The following MTCL1 variants were observed in gnomAD, a reference collection of about 807,000 sequenced individuals.
MTCL1 encodes microtubule crosslinking factor 1.
Under a neutral mutation model 141.4 loss-of-function variants are expected in MTCL1, and 79 were observed. The observed-to-expected ratio is 0.56, with a 90% confidence interval of 0.47 to 0.67. The LOEUF (loss-of-function observed/expected upper bound fraction) is 0.67, where lower values mean the gene tolerates loss of function less well. Among genes scored for constraint, MTCL1 ranks in the 30% least tolerant of loss-of-function variants. The pLI is 0.00. For synonymous variants in MTCL1, 914 were observed against 875.8 expected (o/e 1.04, Z -0.77); for missense variants, 2,177 against 2,113.9 (o/e 1.03, Z -0.59).
chr18:8,706,573 C>T (rs1406974681), exon 1 of MTCL1: 4 of 1,454,334 alleles, frequency 2.8e-6, no homozygotes, highest in East Asian at 2.9e-5. Context: ...TGTCCGGGGG[C>T]GCTCGCCACC....
chr18:8,816,583 T>C (rs1231699568), intron 12 of MTCL1, among the ~76,000 whole-genome samples: 1 of 152,214 alleles, frequency 6.6e-6, no homozygotes, highest in African/African-American at 2.4e-5. Flanking sequence ...CCAGTTAACA[T>C]GCAGATGATG....
At chr18:8,751,361 A>G (rs2096370309) in intron 4 of MTCL1, among the ~76,000 whole-genome samples, 4 of 152,130 alleles carry the variant, frequency 2.6e-5, no homozygotes, top group Non-Finnish European at 5.9e-5. Flanking sequence ...TCTTTTGGTG[A>G]CCACCCAGGA....
At chr18:8,718,352 G>C (rs2096143991) in intron 2 of MTCL1, 72 bp from the exon 2 acceptor site, 1 of 1,405,286 alleles carries the variant, frequency 7.1e-7, no homozygotes, top group African/African-American at 1.4e-5. Flanking sequence ...TGAGGAGCGG[G>C]TATGAAGGAG....
intron 7 of MTCL1, 25 bp downstream of exon 6, chr18:8,786,116 C>CCA (rs1555655979): frequency 2.2e-6 from 3 of 1,393,688 alleles, no homozygotes; most frequent in Non-Finnish European, 1.9e-6. Context: ...GCAATCCCCC[C>CCA]CCCCCGCCCT....
At chr18:8,752,704 GA>G (rs1171843738) in intron 4 of MTCL1, among the ~76,000 whole-genome samples, 1 of 152,174 alleles carries the variant, frequency 6.6e-6, no homozygotes, top group Non-Finnish European at 1.5e-5. Flanking sequence ...AGACAGTCTA[GA>G]AATGATGAAG....
intron 4 of MTCL1, among the ~76,000 whole-genome samples, chr18:8,769,826 A>T (rs1432604415): frequency 6.6e-6 from 1 of 152,214 alleles, no homozygotes; most frequent in Non-Finnish European, 1.5e-5. Context: ...TCATTTACTT[A>T]TAACATTTGT....
chr18:8,822,324 T>C lies in MTCL1; in HGVS notation c.3188+826T>C, dbSNP rs557211344. ...GTTGGTTGATTTTTGAAATGGAGTC[T>C]CGCTCTGTCTCCCAGGCTGGAGTAC... On this transcript the variant is annotated intron_variant, in intron 14 of 16. Transcript: ENST00000359865. The surrounding 1 kb of genome is among the most constrained non-coding windows in gnomAD (Gnocchi z 4.6). 6.6e-6 allele frequency among the ~76,000 whole-genome samples: 1 copy of C among 152,170 alleles called. No homozygotes were observed. The highest frequency in any genetic ancestry group is 2.1e-4 in the South Asian group (1 of 4,812).
chr18:8,708,423 C>G (rs1268758993), intron 1 of MTCL1, among the ~76,000 whole-genome samples: 2 of 140,796 alleles, frequency 1.4e-5, no homozygotes, highest in Non-Finnish European at 3.3e-5. Context: ...TGCTATTTCA[C>G]TGGATCTTCC....
chr18:8,738,676 T>C (rs918048296), intron 4 of MTCL1, among the ~76,000 whole-genome samples: 2 of 152,222 alleles, frequency 1.3e-5, no homozygotes, highest in Admixed American at 6.5e-5. Context: ...AATAACTGCT[T>C]TTTAAAGTCA....
At chr18:8,706,608 C>T (rs1221022404) in exon 1 of MTCL1, 1 of 1,532,856 alleles carries the variant, frequency 6.5e-7, no homozygotes, top group Non-Finnish European at 8.8e-7. Context: ...CCGGGACCCC[C>T]AAGGAGCCCA....
rs1404029464 is a variant in MTCL1 at position 8,819,277 on chromosome 18, C to T, written c.3156+18C>T. ...TCCCTGAGGTCAGCCAGGTTTTGTC[C>T]ATCCTAGTTAACCACTGTGGAATGA... On this transcript the variant is annotated intron_variant, in intron 13 of 16. Coordinates refer to ENST00000359865, the Ensembl canonical transcript of MTCL1. 6.2e-7 allele frequency: 1 copy of T among 1,612,256 alleles called. No individual in the cohort carries two copies.
At chr18:8,801,059 C>T (rs917846309) in intron 10 of MTCL1, among the ~76,000 whole-genome samples, 3 of 152,238 alleles carry the variant, frequency 2.0e-5, no homozygotes, top group Non-Finnish European at 2.9e-5. Flanking sequence ...CTCCACTTCC[C>T]TGGACCTCTG....
intron 4 of MTCL1, among the ~76,000 whole-genome samples, chr18:8,770,631 A>T (rs1009597520): frequency 6.6e-6 from 1 of 152,168 alleles, no homozygotes; most frequent in Non-Finnish European, 1.5e-5. Flanking sequence ...GGGCTTCCAC[A>T]TAGGAATTTG....
At chr18:8,739,240 G>C (rs941857339) in intron 4 of MTCL1, among the ~76,000 whole-genome samples, 1 of 152,010 alleles carries the variant, frequency 6.6e-6, no homozygotes, top group African/African-American at 2.4e-5. Context: ...GTGAGACCCT[G>C]TCTCTAAAAA....
chr18:8,717,403 G>A (rs1025675913), exon 1 of MTCL1: 2 of 152,384 alleles, frequency 1.3e-5, no homozygotes, highest in Non-Finnish European at 2.9e-5. Flanking sequence ...AGCAGGCGAG[G>A]TCTTGAGGCC....
intron 4 of MTCL1, among the ~76,000 whole-genome samples, chr18:8,749,894 A>G (rs1389826010): frequency 6.6e-6 from 1 of 152,220 alleles, no homozygotes; most frequent in African/African-American, 2.4e-5. Context: ...TCGATGTTTC[A>G]GTAAAATAAA....
chr18:8,733,898 A>T (rs2148879503), intron 4 of MTCL1, among the ~76,000 whole-genome samples: 1 of 152,174 alleles, frequency 6.6e-6, no homozygotes, highest in Admixed American at 6.5e-5. Flanking sequence ...CATGTGTAGG[A>T]ATCTTGGTTT....
intron 8 of MTCL1, 130 bp from the exon 8 acceptor site, chr18:8,796,102 G>A (rs1178045581): frequency 3.7e-6 from 3 of 820,026 alleles, no homozygotes; most frequent in East Asian, 2.5e-5. Flanking sequence ...AACTTCTGGG[G>A]ACTCCTGTGT....
chr18:8,829,608 A>C (rs2077131993), intron 16 of MTCL1: 1 of 985,268 alleles, frequency 1.0e-6, no homozygotes. Context: ...GCACATGAGA[A>C]AAGATATACT....
Sources: allele counts gnomAD v4.1 joint callset (sites outside exome capture counted in the v4.1 genomes callset), GRCh38; gene constraint gnomAD v4.1.1; non-coding constraint Gnocchi (gnomAD v3.1); transcripts MANE v1.5; gene names NCBI Gene and HGNC (gene_info 2026-07-23, HGNC 2026-07-21).